Variants in PPP3CA observed in about 807,000 individuals in gnomAD.
PPP3CA encodes protein phosphatase 3 catalytic subunit alpha.
A neutral mutation model predicts 66.5 loss-of-function variants in PPP3CA; 14 were observed. That is an observed-to-expected ratio of 0.21 (90% confidence interval 0.14 to 0.33). PPP3CA has a LOEUF of 0.33. Ranked by LOEUF, PPP3CA falls within the 10% of genes least tolerant of loss-of-function variation. PPP3CA has a pLI of 1.00. For missense variants in PPP3CA, 317 were observed against 639.5 expected, an observed-to-expected ratio of 0.50 and a Z score of 5.44; for synonymous variants, 232 against 226.2, an observed-to-expected ratio of 1.03 and a Z score of -0.23.
chr4:101,046,846 T>C (rs1418126377), intron 10 of PPP3CA, among the ~76,000 whole-genome samples: 1 of 152,202 alleles, frequency 6.6e-6, no homozygotes, highest in Non-Finnish European at 1.5e-5. Flanking sequence ...TAGTATCTTT[T>C]GTTGTGCTAT....
chr4:101,306,362 T>A (rs549211155), intron 1 of PPP3CA, among the ~76,000 whole-genome samples: 1 of 152,210 alleles, frequency 6.6e-6, no homozygotes, highest in South Asian at 2.1e-4. Flanking sequence ...ACTCCACTTT[T>A]GGAATGTGGC....
intron 2 of PPP3CA, among the ~76,000 whole-genome samples, chr4:101,153,346 C>T (rs550331257): frequency 6.6e-6 from 1 of 152,292 alleles, no homozygotes; most frequent in East Asian, 1.9e-4. Flanking sequence ...AACAATAGAA[C>T]TTGCTAAGTT....
At chr4:101,278,136 A>AT (rs1400201070) in intron 1 of PPP3CA, among the ~76,000 whole-genome samples, 48 of 145,916 alleles carry the variant, frequency 3.3e-4, no homozygotes, top group African/African-American at 1.1e-3. Context: ...AAAAAAAAAA[A>AT]AAATAAAAAA....
intron 8 of PPP3CA, among the ~76,000 whole-genome samples, chr4:101,064,843 T>C (rs1035592105): frequency 6.6e-6 from 1 of 152,078 alleles, no homozygotes; most frequent in Non-Finnish European, 1.5e-5. Flanking sequence ...TTCTGTGGTG[T>C]GGATACTATA....
At chr4:101,285,812 A>C (rs1219095782) in intron 1 of PPP3CA, among the ~76,000 whole-genome samples, 1 of 152,210 alleles carries the variant, frequency 6.6e-6, no homozygotes, top group Non-Finnish European at 1.5e-5. Flanking sequence ...GTGAATCACC[A>C]CAAAGCCGGT....
At chr4:101,188,361 T>C (rs1724479865) in intron 2 of PPP3CA, among the ~76,000 whole-genome samples, 1 of 152,120 alleles carries the variant, frequency 6.6e-6, no homozygotes, top group Non-Finnish European at 1.5e-5. Flanking sequence ...CTTATTTCTA[T>C]CTAAAATTTT....
intron 1 of PPP3CA, among the ~76,000 whole-genome samples, chr4:101,300,843 T>C (rs759921844): frequency 2.0e-5 from 3 of 152,182 alleles, no homozygotes; most frequent in Non-Finnish European, 4.4e-5. Context: ...TTGTACTGTA[T>C]ATCTGCCTCC....
At chr4:101,209,586 T>C (rs1274313887) in intron 1 of PPP3CA, among the ~76,000 whole-genome samples, 8 of 152,142 alleles carry the variant, frequency 5.3e-5, no homozygotes, top group African/African-American at 1.9e-4. Context: ...GAATGTAAGA[T>C]TGATGTATTT....
intron 2 of PPP3CA, among the ~76,000 whole-genome samples, chr4:101,141,864 A>C (rs1312007636): frequency 6.6e-6 from 1 of 152,230 alleles, no homozygotes; most frequent in African/African-American, 2.4e-5. Flanking sequence ...TGAGTGAACG[A>C]ATGAATGTAT....
chr4:101,098,875 C>T (rs926105708), intron 4 of PPP3CA, among the ~76,000 whole-genome samples: 5 of 152,014 alleles, frequency 3.3e-5, no homozygotes, highest in Admixed American at 2.6e-4. Context: ...TATTCCTTAA[C>T]GATTTTGTAG....
In PPP3CA at chr4:101,285,935, A is replaced by G. The variant is rs1727833937; in HGVS notation, c.58+60804T>C. On this transcript the variant is annotated intron_variant, in intron 1 of 13. Transcript: ENST00000394854. ...CATAAACTCCTACACCTAAATTGCA[A>G]TGCAAAAGCACATATACTTTAAAGC... Among the ~76,000 whole-genome samples, 4 of 152,202 alleles carry G rather than the reference A, an allele frequency of 2.6e-5. No homozygotes were observed. The South Asian group carries it at 8.3e-4, about 31-fold the overall frequency.
At position 101,324,154 on chromosome 4, in the gene PPP3CA, GAGGAAGGAAGGAAGGA is replaced by G. The variant is rs72209493; in HGVS notation, c.58+22569_58+22584del. Among the ~76,000 whole-genome samples the G allele has an allele frequency of 9.4e-3, 627 of 66,400 alleles. 7 individuals carry two copies. Among genetic ancestry groups the G allele is most frequent in the Middle Eastern group, 0.025 (4 of 162 alleles). The allele number at this position is 66,400 out of a possible 152,430, so 43.6% of individuals were successfully genotyped here. On this transcript the variant is annotated intron_variant, in intron 1 of 13. Transcript: ENST00000394854. ...AGGGAAGGAAGGGAAGGAAGGGAGG[GAGGAAGGAAGGAAGGA>G]AGGAAGGAAGGAAGGAAGGAAGGAA... is the stretch of plus-strand genomic sequence containing the variant.
Position 101,025,387 on chromosome 4 carries a change from C to T in PPP3CA, c.*478G>A, listed in dbSNP as rs1303683267. On this transcript the variant is annotated 3_prime_UTR_variant, in exon 14 of 14. Transcript: ENST00000394854. ...AGCAAAACATTATCAATAAATAGTC[C>T]TTAGTTTGTACATCATTTTGTTAAA... 1 of 150,554 alleles carries T rather than the reference C, an allele frequency of 6.6e-6. No homozygotes were observed. The highest frequency in any genetic ancestry group is 1.9e-4 in the East Asian group (1 of 5,130). 9.3% of individuals were successfully genotyped at this position (150,554 alleles called of 1,614,324 possible). A position where few individuals can be genotyped will look rare whatever the true frequency, so the allele number is the denominator to read the frequency against.
At position 101,144,549 on chromosome 4, in the gene PPP3CA, A is replaced by C. The variant is rs116833032; in HGVS notation, c.260-35471T>G. ...TTGATCTGTACCCACAAAGTTATTCACTTTGAAGTCTGTTATTCCCTGCAA... is the reference window on the plus strand; with the variant it reads ...TTGATCTGTACCCACAAAGTTATTCCCTTTGAAGTCTGTTATTCCCTGCAA... On this transcript the variant is annotated intron_variant, in intron 2 of 13. Transcript: ENST00000394854. 4.3e-3 allele frequency among the ~76,000 whole-genome samples: 657 copies of C among 152,188 alleles called. 8 individuals are homozygous for C. Among genetic ancestry groups the C allele is most frequent in the African/African-American group, 0.015 (611 of 41,532 alleles).
intron 1 of PPP3CA, among the ~76,000 whole-genome samples, chr4:101,313,238 G>T (rs1728781400): frequency 6.6e-6 from 1 of 151,932 alleles, no homozygotes; most frequent in South Asian, 2.1e-4. Context: ...TGTTGACCAG[G>T]CTGGTCTGAA....
chr4:101,211,262 G>A (rs1476989893), intron 1 of PPP3CA, among the ~76,000 whole-genome samples: 1 of 152,050 alleles, frequency 6.6e-6, no homozygotes, highest in Non-Finnish European at 1.5e-5. Flanking sequence ...TGATCCAAAG[G>A]TAATTAAGGG....
intron 8 of PPP3CA, among the ~76,000 whole-genome samples, chr4:101,066,195 T>C (rs1728673967): frequency 6.6e-6 from 1 of 152,162 alleles, no homozygotes; most frequent in African/African-American, 2.4e-5. Flanking sequence ...ATCCTAATAG[T>C]ATAAATCATT....
At chr4:101,063,124 G>A in intron 9 of PPP3CA, 108 bp downstream of exon 9, 1 of 1,336,458 alleles carries the variant, frequency 7.5e-7, no homozygotes, top group Non-Finnish European at 1.0e-6. Context: ...TGTACAACTT[G>A]TGAATTTTAT....
chr4:101,095,537 G>A (rs1166869349), intron 5 of PPP3CA, among the ~76,000 whole-genome samples: 2 of 152,102 alleles, frequency 1.3e-5, no homozygotes, highest in Non-Finnish European at 2.9e-5. Flanking sequence ...TGGGAAGTAA[G>A]TCCTAGGGAT....
Sources: gnomAD v4.1 joint callset for allele counts (sites outside exome capture counted in the v4.1 genomes callset) on GRCh38, gnomAD v4.1.1 for gene constraint, MANE v1.5 for transcripts, NCBI Gene and HGNC (gene_info 2026-07-23, HGNC 2026-07-21) for gene names.